The following ASAP1 variants were observed in gnomAD, a reference collection of about 807,000 sequenced individuals.
ASAP1 encodes ArfGAP with SH3 domain, ankyrin repeat and PH domain 1.
ASAP1 carries 43 observed loss-of-function variants against 145.2 expected under a neutral mutation model. That is an observed-to-expected ratio of 0.30 (90% CI 0.23 to 0.38). ASAP1 has a LOEUF of 0.38. Ranked by LOEUF, ASAP1 falls within the 10% of genes least tolerant of loss-of-function variation. ASAP1 has a pLI of 1.00. For missense variants in ASAP1, 1,018 were observed against 1,355.3 expected (o/e 0.75, Z 3.91); for synonymous variants, 546 against 515.5 (o/e 1.06, Z -0.80).
intron 25 of ASAP1, among the ~76,000 whole-genome samples, chr8:130,091,627 A>C (rs2097505615): frequency 6.6e-6 from 1 of 152,104 alleles, no homozygotes; most frequent in South Asian, 2.1e-4. Flanking sequence ...TTATAAGAAA[A>C]CCATTCTGGC....
At chr8:130,237,519 T>G (rs1818285882) in intron 3 of ASAP1, among the ~76,000 whole-genome samples, 1 of 152,110 alleles carries the variant, frequency 6.6e-6, no homozygotes, top group Non-Finnish European at 1.5e-5. Context: ...AAATTAGTTA[T>G]GACATATGGC....
At position 130,134,329 on chromosome 8, in the gene ASAP1, T is replaced by C; in HGVS notation, c.1184A>G (p.His395Arg). Residue 395 changes from histidine to arginine, a missense_variant, in exon 15 of 30, where the codon CAC becomes CGC. His to Arg is a conservative substitution (Grantham distance 29, BLOSUM62 0). This residue lies in a region of ASAP1 where 153 missense variants were observed against 221.6 expected (regional missense o/e 0.69). Transcript: ENST00000518721. ...FDLISHNRTY[H>R]FQAEDEQDYV... Reference sequence around the variant, plus strand: ...ATCCTGCTCATCTTCTGCCTGAAAGTGATATGTTCTATTATCTAAAATAAA... The same window carrying C: ...ATCCTGCTCATCTTCTGCCTGAAAGCGATATGTTCTATTATCTAAAATAAA... 1.3e-6 allele frequency: 2 copies of C among 1,583,532 alleles called. No individual in the cohort carries two copies. Among genetic ancestry groups the C allele is most frequent in the Non-Finnish European group, 1.7e-6 (2 of 1,164,246 alleles).
intron 2 of ASAP1, chr8:130,386,863 A>T (rs1828042623): frequency 6.6e-6 from 1 of 152,198 alleles, no homozygotes; most frequent in South Asian, 2.1e-4. Flanking sequence ...TCAGCTTGGC[A>T]AGCATGTTTG....
chr8:130,383,538 A>G (rs1172070203), intron 2 of ASAP1, among the ~76,000 whole-genome samples: 4 of 152,198 alleles, frequency 2.6e-5, no homozygotes, highest in African/African-American at 9.7e-5. Flanking sequence ...AAGCTCTCTC[A>G]TGAACTGCCT....
intron 3 of ASAP1, among the ~76,000 whole-genome samples, chr8:130,326,063 C>T (rs948361381): frequency 3.3e-5 from 5 of 152,168 alleles, no homozygotes; most frequent in Admixed American, 6.5e-5. Context: ...GTCTTTTTGA[C>T]TCCACAGCAT....
chr8:130,416,651 G>C (rs1829486774), intron 1 of ASAP1, among the ~76,000 whole-genome samples: 1 of 152,236 alleles, frequency 6.6e-6, no homozygotes, highest in Admixed American at 6.5e-5. Flanking sequence ...CTGAATGACA[G>C]AGAACTACAA....
intron 24 of ASAP1, among the ~76,000 whole-genome samples, chr8:130,097,146 A>AAAAAAAAC: frequency 8.7e-6 from 1 of 114,666 alleles, no homozygotes; most frequent in Admixed American, 7.8e-5. Flanking sequence ...AAAAAAAAAA[A>AAAAAAAAC]AAAAAAAAAA....
At chr8:130,080,965 G>A (rs1336827106) in intron 25 of ASAP1, among the ~76,000 whole-genome samples, 1 of 152,156 alleles carries the variant, frequency 6.6e-6, no homozygotes, top group Non-Finnish European at 1.5e-5. Flanking sequence ...TCTACTATGT[G>A]CAAGGCATAA....
At chr8:130,212,443 C>A (rs1048603829) in intron 5 of ASAP1, among the ~76,000 whole-genome samples, 2 of 152,126 alleles carry the variant, frequency 1.3e-5, no homozygotes, top group Admixed American at 1.3e-4. Flanking sequence ...ACAGCACAAC[C>A]AGAGCATGAG....
At chr8:130,234,140 G>A (rs1482516321) in intron 4 of ASAP1, among the ~76,000 whole-genome samples, 1 of 152,074 alleles carries the variant, frequency 6.6e-6, no homozygotes, top group Non-Finnish European at 1.5e-5. Context: ...CAATACAATG[G>A]GATACATGTT....
In ASAP1 at chr8:130,174,551, G is replaced by A. The variant is rs191039943; in HGVS notation, c.746+4713C>T. Among the ~76,000 whole-genome samples, 16 of 152,252 alleles carry A rather than the reference G, an allele frequency of 1.1e-4. No homozygotes were observed. In the East Asian group the frequency reaches 2.1e-3, roughly 20 times the overall value. On this transcript the variant is annotated intron_variant, in intron 9 of 29. Transcript: ENST00000518721. ...ATTCATGGAATCTCTTTTTAGTCTC[G>A]TTACAGAACCAACCATGCAACTAGG... is the stretch of plus-strand genomic sequence containing the variant.
intron 4 of ASAP1, among the ~76,000 whole-genome samples, chr8:130,217,129 G>A (rs555600126): frequency 6.6e-6 from 1 of 152,318 alleles, no homozygotes; most frequent in South Asian, 2.1e-4. Context: ...GTGAGTGGAA[G>A]TGATGCATAC....
intron 5 of ASAP1, among the ~76,000 whole-genome samples, chr8:130,202,837 G>C (rs551353342): frequency 6.6e-6 from 1 of 152,184 alleles, no homozygotes; most frequent in South Asian, 2.1e-4. Context: ...TGAATTTTCA[G>C]TTGCTTAACA....
chr8:130,133,299 T>C (rs1255191090), intron 15 of ASAP1, among the ~76,000 whole-genome samples: 1 of 152,214 alleles, frequency 6.6e-6, no homozygotes, highest in Admixed American at 6.5e-5. Context: ...GGACCAGGGC[T>C]AGCATTTTAA....
intron 10 of ASAP1, 52 bp from the exon 11 acceptor site, chr8:130,167,674 G>C: frequency 7.5e-7 from 1 of 1,338,002 alleles, no homozygotes; most frequent in Non-Finnish European, 1.1e-6. Context: ...TTCACAGGCA[G>C]AGTTTAATTT....
intron 1 of ASAP1, among the ~76,000 whole-genome samples, chr8:130,410,147 A>AG (rs1437344447): frequency 2.0e-5 from 3 of 152,370 alleles, no homozygotes; most frequent in South Asian, 4.1e-4. Flanking sequence ...AATATACTGA[A>AG]GAAAAAATAT....
chr8:130,197,772 C>A (rs1815599750), intron 5 of ASAP1, among the ~76,000 whole-genome samples: 1 of 152,220 alleles, frequency 6.6e-6, no homozygotes, highest in Admixed American at 6.5e-5. Context: ...AGTTCCTTGT[C>A]TATGAGAAAC....
chr8:130,312,167 A>G (rs1244188501), intron 3 of ASAP1, among the ~76,000 whole-genome samples: 1 of 151,814 alleles, frequency 6.6e-6, no homozygotes, highest in African/African-American at 2.4e-5. Context: ...AGTCTCATCT[A>G]TCAAGAAACT....
intron 3 of ASAP1, among the ~76,000 whole-genome samples, chr8:130,301,297 C>T (rs1822645284): frequency 6.6e-6 from 1 of 152,188 alleles, no homozygotes; most frequent in Admixed American, 6.5e-5. Context: ...ATGGCAGCCT[C>T]CTTTATTCCA....
Sources: allele counts gnomAD v4.1 joint callset (sites outside exome capture counted in the v4.1 genomes callset), GRCh38; gene constraint gnomAD v4.1.1; regional missense constraint gnomAD v4.1.1; transcripts MANE v1.5; gene names NCBI Gene and HGNC (gene_info 2026-07-23, HGNC 2026-07-21).